Variants in RARA observed in about 807,000 individuals in gnomAD.
RARA encodes PML-DDX5-RARA fusion.
A neutral mutation model predicts 42.8 loss-of-function variants in RARA; 5 were observed. The observed-to-expected ratio is 0.12, with a 90% CI of 0.06 to 0.25. The LOEUF (loss-of-function observed/expected upper bound fraction) is 0.25. Among genes scored for constraint, RARA ranks in the 10% least tolerant of loss-of-function variants. RARA has a pLI of 1.00. For synonymous variants in RARA, 256 were observed against 259.5 expected (o/e 0.99, Z 0.13); for missense variants, 402 against 628.7 (o/e 0.64, Z 3.86).
chr17:40,312,670 C>A (rs2033120780), intron 1 of RARA, among the ~76,000 whole-genome samples: 1 of 152,214 alleles, frequency 6.6e-6, no homozygotes, highest in Admixed American at 6.5e-5. Context: ...GGGGCATGAC[C>A]CAGGTAGATG....
At chr17:40,346,054 G>T (rs981373286) in intron 2 of RARA, among the ~76,000 whole-genome samples, 1 of 152,182 alleles carries the variant, frequency 6.6e-6, no homozygotes, top group Non-Finnish European at 1.5e-5. Flanking sequence ...CGTTGGGTGG[G>T]CTAAAAGGAG....
chr17:40,332,022 G>A (rs969531121), intron 2 of RARA, among the ~76,000 whole-genome samples: 1 of 152,218 alleles, frequency 6.6e-6, no homozygotes, highest in African/African-American at 2.4e-5. Context: ...GGCCTCGGAC[G>A]CATGCATGGT....
At chr17:40,330,165 T>C (rs1378169674) in intron 1 of RARA, among the ~76,000 whole-genome samples, 1 of 152,202 alleles carries the variant, frequency 6.6e-6, no homozygotes, top group Non-Finnish European at 1.5e-5. Context: ...GGGTGAACCT[T>C]GAGATCAATC....
chr17:40,321,098 G>A (rs2033362643), intron 1 of RARA, among the ~76,000 whole-genome samples: 1 of 152,036 alleles, frequency 6.6e-6, no homozygotes, highest in South Asian at 2.1e-4. Flanking sequence ...GTTTGTGGGG[G>A]GATGCACGGT....
At chr17:40,336,988 G>A (rs2033873057) in intron 2 of RARA, among the ~76,000 whole-genome samples, 1 of 152,254 alleles carries the variant, frequency 6.6e-6, no homozygotes, top group Non-Finnish European at 1.5e-5. Flanking sequence ...ATCAGCCACT[G>A]TGCCTGGCCG....
rs1236185165 is a variant in RARA at position 40,320,779 on chromosome 17, A to C, written c.-362-10078A>C. Reference sequence around the variant, plus strand: ...GTGGGGTCTATTAATATTTGGGAGCACTGCCTGGGATCTGGGGTGATAGGC... The same window carrying C: ...GTGGGGTCTATTAATATTTGGGAGCCCTGCCTGGGATCTGGGGTGATAGGC... On this transcript the variant is annotated intron_variant, in intron 1 of 8. Coordinates refer to ENST00000254066, the MANE Select transcript of RARA (RefSeq NM_000964.4). The surrounding 1 kb of genome is among the most constrained non-coding windows in gnomAD (Gnocchi z 4.1). 6.6e-6 allele frequency among the ~76,000 whole-genome samples: 1 copy of C among 152,180 alleles called. No homozygotes were observed. Among genetic ancestry groups the C allele is most frequent in the African/African-American group, 2.4e-5 (1 of 41,448 alleles).
chr17:40,312,894 T>C (rs1250311895), intron 1 of RARA, among the ~76,000 whole-genome samples: 3 of 152,202 alleles, frequency 2.0e-5, no homozygotes, highest in Admixed American at 6.5e-5. Flanking sequence ...TCTGTTGTCA[T>C]GGTTCCTCAC....
In RARA at chr17:40,352,387, T is replaced by C; in HGVS notation, c.687T>C (p.Ser229=). ...SLDIDLWDKF[S]ELSTKCIIKT... ...ACATTGACCTCTGGGACAAGTTCAG[T>C]GAACTCTCCACCAAGTGCATCATTA... Residue 229 remains serine, a synonymous_variant, in exon 6 of 9, where the codon AGT becomes AGC. Transcript: ENST00000254066. The surrounding 1 kb of genome is among the most constrained non-coding windows in gnomAD (Gnocchi z 4.9). 1 of 1,613,646 alleles carries C rather than the reference T, an allele frequency of 6.2e-7. No individual in the cohort carries two copies. Among genetic ancestry groups the C allele is most frequent in the Non-Finnish European group, 8.5e-7 (1 of 1,179,754 alleles).
In RARA at chr17:40,357,322, A is replaced by G. The variant is rs1292971147; in HGVS notation, c.*1096A>G. ...CCCATAGGGCCCCCAGACACCACAC[A>G]CATGCGCGTGCGCACACACACAAAC... On this transcript the variant is annotated 3_prime_UTR_variant, in exon 9 of 9. Coordinates refer to ENST00000254066, the MANE Select transcript of RARA (RefSeq NM_000964.4). The G allele has an allele frequency of 2.6e-5, 6 of 230,024 alleles. No individual in the cohort carries two copies. Among genetic ancestry groups the G allele is most frequent in the Non-Finnish European group, 3.4e-5 (4 of 117,400 alleles). The allele number at this position is 230,024 out of a possible 1,614,324, so 14.2% of individuals were successfully genotyped here.
chr17:40,344,589 T>C (rs536097376), intron 2 of RARA, among the ~76,000 whole-genome samples: 1 of 151,980 alleles, frequency 6.6e-6, no homozygotes, highest in South Asian at 2.1e-4. Flanking sequence ...TCACAGAGAG[T>C]AGGACAGGCA....
At chr17:40,311,578 A>C (rs1282871074) in intron 1 of RARA, among the ~76,000 whole-genome samples, 1 of 152,132 alleles carries the variant, frequency 6.6e-6, no homozygotes, top group Non-Finnish European at 1.5e-5. Context: ...CCCTTTGGCC[A>C]GTAGGTCACA....
Position 40,355,206 on chromosome 17 carries a change from G to A in RARA, c.1013-57G>A, listed in dbSNP as rs1877746297. 8 of 1,506,488 alleles carry A rather than the reference G, an allele frequency of 5.3e-6. 1 individual carries two copies. Among genetic ancestry groups the A allele is most frequent in the South Asian group, 2.5e-5 (2 of 80,758 alleles). The allele number at this position is 1,506,488 out of a possible 1,614,324, so 93.3% of individuals were successfully genotyped here. A position where few individuals can be genotyped will look rare whatever the true frequency, so the allele number is the denominator to read the frequency against. ...TGGGCAGGCACGCCCCCCGGTGGCC[G>A]AGGCTGGGGGTGCAGCTGTGTTCCC... On this transcript the variant is annotated intron_variant, in intron 7 of 8. Coordinates refer to ENST00000254066, the MANE Select transcript of RARA (RefSeq NM_000964.4). The surrounding 1 kb of genome is among the most constrained non-coding windows in gnomAD (Gnocchi z 4.1).
chr17:40,346,446 G>A (rs934901805), intron 2 of RARA, among the ~76,000 whole-genome samples: 11 of 152,144 alleles, frequency 7.2e-5, no homozygotes, highest in Middle Eastern at 3.4e-3. Flanking sequence ...TCTGCTTGTC[G>A]GAATGCTGAC....
At chr17:40,311,941 C>G (rs544316730) in intron 1 of RARA, among the ~76,000 whole-genome samples, 37 of 152,236 alleles carry the variant, frequency 2.4e-4, no homozygotes, top group Non-Finnish European at 4.7e-4. Flanking sequence ...CTCCAGGCTT[C>G]TCTCTTTACA....
chr17:40,316,565 A>C (rs1343903318), intron 1 of RARA, among the ~76,000 whole-genome samples: 1 of 152,182 alleles, frequency 6.6e-6, no homozygotes, highest in Admixed American at 6.5e-5. Flanking sequence ...GCCTCAAGGA[A>C]GGAAGACAGG....
intron 2 of RARA, chr17:40,341,248 T>C: frequency 2.5e-6 from 3 of 1,179,240 alleles, no homozygotes; most frequent in Middle Eastern, 3.0e-4. Flanking sequence ...GGGCCGGTAC[T>C]GGTTCCCCAG....
intron 1 of RARA, among the ~76,000 whole-genome samples, chr17:40,324,423 C>T (rs796998219): frequency 1.3e-5 from 2 of 152,052 alleles, no homozygotes; most frequent in Non-Finnish European, 2.9e-5. Flanking sequence ...TCTCAGACAC[C>T]CTGGGCTTCA....
chr17:40,348,059 T>C (rs1378734134), intron 2 of RARA: 2 of 367,402 alleles, frequency 5.4e-6, no homozygotes, highest in Non-Finnish European at 9.8e-6. Flanking sequence ...ACAAATGTGA[T>C]GGTTTATCAT....
At position 40,351,912 on chromosome 17, in the gene RARA, G is replaced by A; in HGVS notation, c.472G>A (p.Val158Met). Reference sequence around the variant, plus strand: ...TTAACCCCCTCTGCCCTCCACAGCTGTGAGAAACGACCGAAACAAGAAGAA... The same window carrying A: ...TTAACCCCCTCTGCCCTCCACAGCTATGAGAAACGACCGAAACAAGAAGAA... ...CFEVGMSKES[V>M]RNDRNKKKKE... Residue 158 changes from valine (V) to methionine (M), a missense_variant and splice_region_variant, in exon 5 of 9, where the codon GTG (valine) becomes ATG (methionine). By Grantham distance (21) the Val-to-Met change is conservative. Coordinates refer to ENST00000254066, the MANE Select transcript of RARA (RefSeq NM_000964.4). The surrounding 1 kb of genome is among the most constrained non-coding windows in gnomAD (Gnocchi z 4.1). 1 of 1,611,896 alleles carries A rather than the reference G, an allele frequency of 6.2e-7. No homozygotes were observed. The highest frequency in any genetic ancestry group is 8.5e-7 in the Non-Finnish European group (1 of 1,179,350).
Sources: allele counts gnomAD v4.1 joint callset (sites outside exome capture counted in the v4.1 genomes callset), GRCh38; gene constraint gnomAD v4.1.1; non-coding constraint Gnocchi (gnomAD v3.1); transcripts MANE v1.5; gene names NCBI Gene and HGNC (gene_info 2026-07-23, HGNC 2026-07-21).